THOC1: variants seen among roughly 807,000 people sequenced by gnomAD.
THOC1 encodes the protein THO complex 1.
A neutral mutation model predicts 97.3 loss-of-function variants in THOC1; 29 were observed. The ratio of observed to expected loss-of-function variants is 0.30; its 90% confidence interval spans 0.22 to 0.41. THOC1 has a LOEUF of 0.41. Among genes scored for constraint, THOC1 ranks in the 10% least tolerant of loss-of-function variants. The pLI is 1.00. For missense variants in THOC1, 529 were observed against 761.9 expected (o/e 0.69, Z 3.60); for synonymous variants, 255 against 257.0 (o/e 0.99, Z 0.07).
At position 254,310 on chromosome 18, in the gene THOC1, A is replaced by T; in HGVS notation, c.566T>A (p.Phe189Tyr). 1 of 1,583,922 alleles carries T rather than the reference A, an allele frequency of 6.3e-7. No individual in the cohort carries two copies. Among genetic ancestry groups the T allele is most frequent in the Non-Finnish European group, 8.6e-7 (1 of 1,164,096 alleles). ...SQFNLENVTV[F>Y]NTNEQESTLG... ...GGTGCTTTCCTGCTCATTTGTATTG[A>T]AAACAGTGACATTTTCCAGATTAAA... Residue 189 changes from phenylalanine to tyrosine, a missense_variant, in exon 8 of 21, where the codon TTC becomes TAC. Physicochemically the swap from Phe to Tyr is conservative, Grantham distance 22. This residue lies in a region of THOC1 where 92 missense variants were observed against 127.0 expected (regional missense o/e 0.72). Coordinates refer to ENST00000261600, the MANE Select transcript of THOC1 (RefSeq NM_005131.3). The surrounding 1 kb of genome is among the most constrained non-coding windows in gnomAD (Gnocchi z 4.1).
At chr18:224,881 TTGTGA>T (rs1198895852) in intron 15 of THOC1, 38 bp downstream of exon 15, 2 of 1,465,376 alleles carry the variant, frequency 1.4e-6, no homozygotes, top group African/African-American at 2.8e-5. Flanking sequence ...CTCGTCGTTC[TTGTGA>T]TGAGTATGTA....
chr18:254,283 A>C lies in THOC1; in HGVS notation c.593T>G (p.Leu198Arg). The C allele has an allele frequency of 2.5e-6, 4 of 1,580,908 alleles. No individual in the cohort carries two copies. The highest frequency in any genetic ancestry group is 2.6e-6 in the Non-Finnish European group (3 of 1,161,894). Residue 198 changes from leucine to arginine, a missense_variant, in exon 8 of 21, where the codon CTG becomes CGG. Physicochemically the swap from Leu to Arg is moderately radical, Grantham distance 102 (BLOSUM62 -2). This residue lies in a region of THOC1 where 92 missense variants were observed against 127.0 expected (regional missense o/e 0.72). Coordinates refer to ENST00000261600, the MANE Select transcript of THOC1 (RefSeq NM_005131.3). This position sits in a 1 kb window ranked among gnomAD's most constrained non-coding sequence, Gnocchi z 4.1. ...TCAAATCAGCCTCACCTTCTGACCC[A>C]GGGTGCTTTCCTGCTCATTTGTATT... ...VFNTNEQEST[L>R]GQKHTEDREE...
intron 17 of THOC1, among the ~76,000 whole-genome samples, chr18:221,599 G>A (rs1006373636): frequency 6.9e-6 from 1 of 144,162 alleles, no homozygotes; most frequent in Non-Finnish European, 1.5e-5. Context: ...TAAACATATA[G>A]ATGGATCTTT....
chr18:241,363 A>G (rs754159632), intron 11 of THOC1, among the ~76,000 whole-genome samples: 16 of 152,228 alleles, frequency 1.1e-4, no homozygotes, highest in Non-Finnish European at 1.9e-4. Context: ...CTATATGGAT[A>G]GTTTCTTACT....
chr18:262,320 C>A (rs1205862119), intron 4 of THOC1, among the ~76,000 whole-genome samples: 1 of 152,172 alleles, frequency 6.6e-6, no homozygotes. Flanking sequence ...CCAGTAGCAT[C>A]TCACACTGAA....
intron 9 of THOC1, among the ~76,000 whole-genome samples, chr18:251,582 C>G (rs1036033399): frequency 1.3e-5 from 2 of 152,092 alleles, no homozygotes; most frequent in African/African-American, 4.8e-5. Context: ...AAAATCGATT[C>G]CTGGCTGGGG....
chr18:222,237 T>A (rs765025607), intron 17 of THOC1, among the ~76,000 whole-genome samples: 2 of 152,212 alleles, frequency 1.3e-5, no homozygotes, highest in Non-Finnish European at 2.9e-5. Flanking sequence ...AAATAATAAT[T>A]ATTACTATTT....
At chr18:234,073 T>C (rs1430665797) in intron 11 of THOC1, among the ~76,000 whole-genome samples, 1 of 152,220 alleles carries the variant, frequency 6.6e-6, no homozygotes, top group Non-Finnish European at 1.5e-5. Flanking sequence ...GAGCTTTCAC[T>C]GCTATTCTGA....
chr18:241,244 C>T (rs1911888932), intron 11 of THOC1, among the ~76,000 whole-genome samples: 1 of 152,154 alleles, frequency 6.6e-6, no homozygotes, highest in African/African-American at 2.4e-5. Flanking sequence ...TCATTTGCTC[C>T]TAGCTAGGCT....
intron 11 of THOC1, among the ~76,000 whole-genome samples, chr18:237,157 AT>A (rs763933161): frequency 0.39 from 48,649 of 125,812 alleles, 8,928 homozygotes; most frequent in South Asian, 0.51. Flanking sequence ...CATGTACTGG[AT>A]TTTTTTTTTT....
At chr18:247,982 A>T in intron 9 of THOC1, 25 bp from the exon 10 acceptor site, 1 of 1,318,000 alleles carries the variant, frequency 7.6e-7, no homozygotes, top group Non-Finnish European at 1.1e-6. Context: ...GTTATATTAA[A>T]TAAATCATTC....
At chr18:215,122 A>G (rs1910827504) in intron 20 of THOC1, among the ~76,000 whole-genome samples, 1 of 152,182 alleles carries the variant, frequency 6.6e-6, no homozygotes, top group Non-Finnish European at 1.5e-5. Flanking sequence ...GTTACCTATA[A>G]TTACGTAGGC....
chr18:258,052 CAG>C (rs1419873754), intron 7 of THOC1, among the ~76,000 whole-genome samples: 1 of 151,852 alleles, frequency 6.6e-6, no homozygotes, highest in East Asian at 1.9e-4. Flanking sequence ...GAAATTTACA[CAG>C]AGATACATCA....
chr18:228,198 C>G (rs1244229595), intron 11 of THOC1, among the ~76,000 whole-genome samples: 1 of 152,108 alleles, frequency 6.6e-6, no homozygotes, highest in African/African-American at 2.4e-5. Context: ...ACAGCTAGAC[C>G]TGGGGTCACT....
In THOC1 at chr18:263,227, C is replaced by CA. The variant is rs200159580; in HGVS notation, c.256+798_256+799insT. Reference sequence around the variant, plus strand: ...TCCTGAGTAGCTGGGACTACAGGCGCCCGACACCGCGCCCGGCTAATTTTT... The same window carrying CA: ...TCCTGAGTAGCTGGGACTACAGGCGCACCGACACCGCGCCCGGCTAATTTTT... On this transcript the variant is annotated intron_variant, in intron 4 of 20. Coordinates refer to ENST00000261600, the MANE Select transcript of THOC1 (RefSeq NM_005131.3). Among the ~76,000 whole-genome samples the CA allele has an allele frequency of 0.028, 4,215 of 152,232 alleles. 377 individuals are homozygous for CA. In the East Asian group the frequency reaches 0.32, roughly 12 times the overall value.
chr18:220,205 T>C (rs1179792992), intron 17 of THOC1, among the ~76,000 whole-genome samples: 2 of 152,212 alleles, frequency 1.3e-5, no homozygotes, highest in African/African-American at 4.8e-5. Context: ...TGTCTCCTTG[T>C]AGATGAACTG....
chr18:263,779 T>G (rs915707723), intron 4 of THOC1: 4 of 398,212 alleles, frequency 1.0e-5, no homozygotes, highest in Admixed American at 4.3e-5. Flanking sequence ...AGATGCTCAA[T>G]GAAAATTTAC....
chr18:246,928 A>C (rs934352717), intron 10 of THOC1, among the ~76,000 whole-genome samples: 2 of 151,906 alleles, frequency 1.3e-5, no homozygotes, highest in African/African-American at 2.4e-5. Context: ...AAAAAAAAAA[A>C]AAAAAAAACG....
At chr18:244,172 TTAC>T (rs1302257443) in intron 11 of THOC1, 10 of 152,136 alleles carry the variant, frequency 6.6e-5, no homozygotes, top group African/African-American at 2.2e-4. Flanking sequence ...TTCCATATTA[TTAC>T]TGTCATCTAG....
Sources: gnomAD v4.1 joint callset for allele counts (sites outside exome capture counted in the v4.1 genomes callset) on GRCh38, gnomAD v4.1.1 for gene constraint, gnomAD v4.1.1 regional missense constraint, Gnocchi (gnomAD v3.1) non-coding constraint, MANE v1.5 for transcripts, NCBI Gene and HGNC (gene_info 2026-07-23, HGNC 2026-07-21) for gene names.